ERAP2: variants seen among roughly 807,000 people sequenced by gnomAD.
ERAP2 encodes endoplasmic reticulum aminopeptidase 2.
In ERAP2, 118 loss-of-function variants were observed where a neutral mutation model predicts 111.1. That is an observed-to-expected ratio of 1.06 (90% CI 0.92 to 1.24). The LOEUF is 1.24. ERAP2 is among the 50% of genes most tolerant of loss of function. The pLI is 0.00. For synonymous variants in ERAP2, 410 were observed against 401.2 expected, an observed-to-expected ratio of 1.02 and a Z score of -0.26; for missense variants, 1,131 against 1,125.8, an observed-to-expected ratio of 1.00 and a Z score of -0.07.
chr5:96,880,225 T>C lies in ERAP2; in HGVS notation c.540T>C (p.Tyr180=). The C allele has an allele frequency of 6.2e-7, 1 of 1,613,964 alleles. No homozygotes were observed. Among genetic ancestry groups the C allele is most frequent in the Non-Finnish European group, 8.5e-7 (1 of 1,179,902 alleles). The change falls in exon 2 of 19, where the codon TAT becomes TAC. Residue 180 remains tyrosine (Y), a synonymous_variant. Coordinates refer to ENST00000437043, the MANE Select transcript of ERAP2 (RefSeq NM_022350.5). ...AKLGDGFEGF[Y]KSTYRTLGGE... The stretch of plus-strand genomic sequence containing the variant: ...TAGGTGATGGCTTTGAAGGGTTTTA[T>C]AAAAGCACATACAGAACTCTTGGTG...
rs1201049308 is a variant in ERAP2, at chr5:96,888,103, G to A, written c.850-1082G>A. On this transcript the variant is annotated intron_variant, in intron 4 of 18. Coordinates refer to ENST00000437043, the MANE Select transcript of ERAP2 (RefSeq NM_022350.5). Reference sequence around the variant, plus strand: ...TTGCACCAGGCACTCCAGCCTGGGTGACAAGAGTGAGACTTCATCTCAAAA... The same window carrying A: ...TTGCACCAGGCACTCCAGCCTGGGTAACAAGAGTGAGACTTCATCTCAAAA... Among the ~76,000 whole-genome samples, 4 of 143,812 alleles carry A rather than the reference G, an allele frequency of 2.8e-5. No individual in the cohort carries two copies. The Admixed American group carries it at 2.9e-4, about 10-fold the overall frequency. 94.3% of individuals were successfully genotyped at this position (143,812 alleles called of 152,430 possible). A position where few individuals can be genotyped will look rare whatever the true frequency, so the allele number is the denominator to read the frequency against.
At chr5:96,891,497 G>GTA (rs202100428) in intron 5 of ERAP2, among the ~76,000 whole-genome samples, 1,262 of 85,404 alleles carry the variant, frequency 0.015, 47 homozygotes, top group South Asian at 0.14. Context: ...GTGTGTGTGT[G>GTA]TGTATATATA....
chr5:96,884,011 G>T, intron 3 of ERAP2, 81 bp downstream of exon 3: 16 of 1,321,694 alleles, frequency 1.2e-5, no homozygotes, highest in East Asian at 5.2e-5. Context: ...ATTGCTTTCA[G>T]GATTTCAGCC....
At chr5:96,909,205 G>A in intron 14 of ERAP2, 88 bp downstream of exon 14, 1 of 1,347,394 alleles carries the variant, frequency 7.4e-7, no homozygotes, top group Non-Finnish European at 1.0e-6. Flanking sequence ...TGAAGTCCTT[G>A]AGGTTAAATC....
In ERAP2 at chr5:96,913,416, A is replaced by G. The variant is rs763110661; in HGVS notation, c.2616A>G (p.Ala872=). The stretch of plus-strand genomic sequence containing the variant: ...GACGTCCAAAGGGGCAGCAACTAGC[A>G]TGGGATTTTGTAAGAGAAAATTGGA... ...IARRPKGQQL[A]WDFVRENWTH... Residue 872 remains alanine, a synonymous_variant, in exon 17 of 19, where the codon GCA becomes GCG. Coordinates refer to ENST00000437043, the MANE Select transcript of ERAP2 (RefSeq NM_022350.5). 11 of 1,614,204 alleles carry G rather than the reference A, an allele frequency of 6.8e-6. No individual in the cohort carries two copies. In the South Asian group the frequency reaches 1.2e-4, roughly 18 times the overall value.
At chr5:96,909,152 TAC>T in intron 14 of ERAP2, 35 bp downstream of exon 14, 1 of 1,599,010 alleles carries the variant, frequency 6.3e-7, no homozygotes. Flanking sequence ...ATTAAGTAAA[TAC>T]ACAGTGTCTG....
intron 18 of ERAP2, 120 bp downstream of exon 18, chr5:96,915,889 C>A: frequency 2.5e-6 from 2 of 791,950 alleles, no homozygotes; most frequent in South Asian, 1.9e-5. Flanking sequence ...AGTTGTTTGT[C>A]CAATGCCATA....
chr5:96,887,098 T>TACAC (rs1412685387), intron 4 of ERAP2, among the ~76,000 whole-genome samples: 1 of 99,718 alleles, frequency 1.0e-5, no homozygotes, highest in East Asian at 3.0e-4. Flanking sequence ...TATATATATA[T>TACAC]ATACACACAC....
At chr5:96,881,672 C>T (rs1783149431) in intron 2 of ERAP2, among the ~76,000 whole-genome samples, 2 of 152,116 alleles carry the variant, frequency 1.3e-5, no homozygotes, top group Non-Finnish European at 2.9e-5. Flanking sequence ...CTCCTTCTGT[C>T]TTTCTGCTCA....
At chr5:96,884,859 G>A (rs1245507439) in intron 3 of ERAP2, among the ~76,000 whole-genome samples, 1 of 152,162 alleles carries the variant, frequency 6.6e-6, no homozygotes, top group Non-Finnish European at 1.5e-5. Context: ...CTTTCATCCT[G>A]TAAGGAAACA....
rs745345079 is a variant in ERAP2 at position 96,880,004 on chromosome 5, T to C, written c.319T>C (p.Phe107Leu). ...IEVLVSNATQFIILHSKDLEI... is the reference protein window; with the variant it reads ...IEVLVSNATQLIILHSKDLEI... ...AGTCTTGGTCAGCAATGCTACCCAG[T>C]TTATCATCTTGCACAGCAAAGATCT... Residue 107 changes from phenylalanine to leucine, a missense_variant, in exon 2 of 19, where the codon TTT becomes CTT. Phe to Leu is a conservative substitution (Grantham distance 22, BLOSUM62 0). This residue lies in a region of ERAP2 where 847 missense variants were observed against 856.5 expected (regional missense o/e 0.99). Coordinates refer to ENST00000437043, the MANE Select transcript of ERAP2 (RefSeq NM_022350.5). 3.7e-6 allele frequency: 6 copies of C among 1,614,082 alleles called. No homozygotes were observed. The highest frequency in any genetic ancestry group is 3.3e-5 in the South Asian group (3 of 91,090).
chr5:96,917,878 C>G lies in ERAP2; in HGVS notation c.*273C>G, dbSNP rs561295713. Reference sequence around the variant, plus strand: ...CCGAGATTGCACCACTGCATTCCAGCCTGGGTGACTGAGCGAGACTCTGTC... The same window carrying G: ...CCGAGATTGCACCACTGCATTCCAGGCTGGGTGACTGAGCGAGACTCTGTC... On this transcript the variant is annotated 3_prime_UTR_variant, in exon 19 of 19. Transcript: ENST00000437043. 1 of 154,850 alleles carries G rather than the reference C, an allele frequency of 6.5e-6. No homozygotes were observed. Among genetic ancestry groups the G allele is most frequent in the South Asian group, 2.1e-4 (1 of 4,658 alleles). The allele number at this position is 154,850 out of a possible 1,614,324, so 9.6% of individuals were successfully genotyped here. A position where few individuals can be genotyped will look rare whatever the true frequency, so the allele number is the denominator to read the frequency against.
At chr5:96,893,191 A>G (rs1285817165) in intron 6 of ERAP2, among the ~76,000 whole-genome samples, 2 of 152,214 alleles carry the variant, frequency 1.3e-5, no homozygotes, top group South Asian at 2.1e-4. Context: ...AACTAGGTCT[A>G]TAGATATTGG....
intron 6 of ERAP2, among the ~76,000 whole-genome samples, chr5:96,893,797 C>A (rs2151154734): frequency 6.6e-6 from 1 of 152,288 alleles, no homozygotes; most frequent in South Asian, 2.1e-4. Context: ...CTTAGCTTGG[C>A]ATACAAGGTT....
chr5:96,878,404 G>GTAA (rs10642325), intron 1 of ERAP2, among the ~76,000 whole-genome samples: 142,399 of 151,702 alleles, frequency 0.94, 67,220 homozygotes, highest in Non-Finnish European at 1. Context: ...GCCATTCGTA[G>GTAA]TAATAATAAT....
chr5:96,892,550 A>ACCTCTAAGTTCC, intron 6 of ERAP2, 97 bp downstream of exon 6: 1 of 1,422,060 alleles, frequency 7.0e-7, no homozygotes, highest in Non-Finnish European at 9.6e-7. Context: ...CATCTCATTT[A>ACCTCTAAGTTCC]CCTCTAGAGG....
At chr5:96,904,947 T>C (rs563752874) in intron 13 of ERAP2, among the ~76,000 whole-genome samples, 3 of 152,192 alleles carry the variant, frequency 2.0e-5, no homozygotes, top group Non-Finnish European at 4.4e-5. Flanking sequence ...GTATTACCTC[T>C]TCACTTACTA....
intron 15 of ERAP2, 69 bp downstream of exon 15, chr5:96,909,833 A>C (rs1188852530): frequency 6.7e-7 from 1 of 1,497,296 alleles, no homozygotes; most frequent in East Asian, 2.3e-5. Context: ...ATCAAGCAAG[A>C]CATTAGGTCT....
intron 6 of ERAP2, 128 bp downstream of exon 6, chr5:96,892,581 C>T: frequency 3.8e-6 from 4 of 1,042,450 alleles, no homozygotes; most frequent in South Asian, 1.6e-5. Flanking sequence ...GACTACTAAA[C>T]CTAACACAAC....
Sources: gnomAD v4.1 joint callset for allele counts (sites outside exome capture counted in the v4.1 genomes callset) on GRCh38, gnomAD v4.1.1 for gene constraint, gnomAD v4.1.1 regional missense constraint, MANE v1.5 for transcripts, NCBI Gene and HGNC (gene_info 2026-07-23, HGNC 2026-07-21) for gene names.